Variants in GPC6 observed in about 807,000 individuals in gnomAD.
The protein encoded by GPC6 is glypican-6.
Under a neutral mutation model 55.2 loss-of-function variants are expected in GPC6, and 14 were observed. The observed-to-expected ratio is 0.25, with a 90% CI of 0.17 to 0.40. GPC6 has a LOEUF of 0.40. GPC6 is among the 10% of genes least tolerant of loss of function. The pLI, the probability that GPC6 is intolerant of heterozygous loss-of-function variation, is 1.00. For synonymous variants in GPC6, 278 were observed against 259.6 expected (o/e 1.07, Z -0.68); for missense variants, 641 against 708.5 (o/e 0.90, Z 1.08).
At chr13:94,249,868 C>T (rs1266598925) in intron 4 of GPC6, among the ~76,000 whole-genome samples, 1 of 152,148 alleles carries the variant, frequency 6.6e-6, no homozygotes, top group African/African-American at 2.4e-5. Context: ...TTGCAATTTG[C>T]ACCTCAAGGA....
chr13:94,211,779 T>G (rs776611116), intron 4 of GPC6, among the ~76,000 whole-genome samples: 1 of 152,214 alleles, frequency 6.6e-6, no homozygotes, highest in African/African-American at 2.4e-5. Context: ...GGCCCTATTA[T>G]ATACCAACAG....
chr13:93,954,834 G>C (rs948240998), intron 3 of GPC6, among the ~76,000 whole-genome samples: 1 of 152,062 alleles, frequency 6.6e-6, no homozygotes, highest in Non-Finnish European at 1.5e-5. Context: ...CTTACCCCAG[G>C]TTTAGTAACT....
At chr13:93,553,134 A>C (rs1251240397) in intron 2 of GPC6, among the ~76,000 whole-genome samples, 1 of 151,830 alleles carries the variant, frequency 6.6e-6, no homozygotes, top group Admixed American at 6.6e-5. Context: ...AGTAGAAACC[A>C]CTCACTCTCT....
At chr13:93,639,776 C>T (rs9589804) in intron 2 of GPC6, among the ~76,000 whole-genome samples, 3,059 of 152,192 alleles carry the variant, frequency 0.02, 97 homozygotes, top group African/African-American at 0.068. Context: ...CCAGGGTTCT[C>T]TAAGCCGAGA....
chr13:94,192,626 G>A (rs1889435625), intron 4 of GPC6, among the ~76,000 whole-genome samples: 1 of 152,210 alleles, frequency 6.6e-6, no homozygotes, highest in African/African-American at 2.4e-5. Context: ...GACATATGTT[G>A]GGGTGTTGTG....
chr13:94,092,814 C>A (rs539167185), intron 4 of GPC6, among the ~76,000 whole-genome samples: 4 of 152,118 alleles, frequency 2.6e-5, no homozygotes, highest in African/African-American at 9.7e-5. Context: ...CTGATAATAG[C>A]CATTCTGGCA....
chr13:93,756,219 T>A (rs955713301), intron 2 of GPC6, among the ~76,000 whole-genome samples: 2 of 152,140 alleles, frequency 1.3e-5, no homozygotes, highest in African/African-American at 4.8e-5. Context: ...GCAAGGCAGT[T>A]ATTAATTGTT....
intron 1 of GPC6, among the ~76,000 whole-genome samples, chr13:93,272,669 C>T (rs1433253680): frequency 6.6e-5 from 10 of 152,134 alleles, no homozygotes; most frequent in Middle Eastern, 6.8e-3. Flanking sequence ...TTGTTCTACT[C>T]TTATTTGGAT....
intron 6 of GPC6, among the ~76,000 whole-genome samples, chr13:94,379,175 T>C (rs186162353): frequency 7.6e-4 from 116 of 152,322 alleles, no homozygotes; most frequent in African/African-American, 2.6e-3. Flanking sequence ...GATGTGCAAG[T>C]TGAAAGGCCT....
intron 6 of GPC6, 77 bp from the exon 7 acceptor site, chr13:94,382,337 G>A (rs1880194791): frequency 3.4e-6 from 5 of 1,483,004 alleles, no homozygotes; most frequent in Admixed American, 1.7e-5. Context: ...TATAACCCTC[G>A]CCTGCGTACG....
At chr13:93,646,477 C>G (rs1222918369) in intron 2 of GPC6, among the ~76,000 whole-genome samples, 1 of 151,976 alleles carries the variant, frequency 6.6e-6, no homozygotes, top group Non-Finnish European at 1.5e-5. Flanking sequence ...ATGTCATCAA[C>G]AGTTTGGGAT....
intron 6 of GPC6, among the ~76,000 whole-genome samples, chr13:94,331,325 G>A (rs1425889570): frequency 6.6e-6 from 1 of 152,154 alleles, no homozygotes; most frequent in African/African-American, 2.4e-5. Context: ...CCTATGGTCT[G>A]CAAAGCCTAA....
chr13:94,214,062 G>C (rs948334200), intron 4 of GPC6, among the ~76,000 whole-genome samples: 11 of 152,186 alleles, frequency 7.2e-5, no homozygotes, highest in Admixed American at 3.9e-4. Context: ...AATATTGTCA[G>C]TCTCTTAGGA....
intron 3 of GPC6, among the ~76,000 whole-genome samples, chr13:93,967,616 A>T (rs145005791): frequency 6.6e-6 from 1 of 152,320 alleles, no homozygotes; most frequent in African/African-American, 2.4e-5. Context: ...CCTGTAAAAC[A>T]TCTTTCTGCG....
chr13:94,391,193 C>A (rs1880629319), intron 7 of GPC6, among the ~76,000 whole-genome samples: 1 of 152,180 alleles, frequency 6.6e-6, no homozygotes, highest in Non-Finnish European at 1.5e-5. Flanking sequence ...ACAGCAAATT[C>A]TTTTTCTGAA....
intron 4 of GPC6, among the ~76,000 whole-genome samples, chr13:94,169,877 A>T (rs1307615219): frequency 6.6e-6 from 1 of 152,022 alleles, no homozygotes; most frequent in African/African-American, 2.4e-5. Context: ...CTATTTTCTC[A>T]GTTCCAGAGA....
At chr13:93,992,895 T>C (rs778040252) in intron 3 of GPC6, among the ~76,000 whole-genome samples, 1 of 152,196 alleles carries the variant, frequency 6.6e-6, no homozygotes, top group Non-Finnish European at 1.5e-5. Flanking sequence ...GGAACACAAG[T>C]AGTTTGTCTC....
At chr13:94,357,637 C>A (rs897618427) in intron 6 of GPC6, among the ~76,000 whole-genome samples, 4 of 152,202 alleles carry the variant, frequency 2.6e-5, no homozygotes, top group African/African-American at 7.2e-5. Context: ...GGTACCACCA[C>A]CATGTGTCTA....
chr13:94,327,953 C>A (rs1046681429), intron 6 of GPC6, among the ~76,000 whole-genome samples: 1 of 152,082 alleles, frequency 6.6e-6, no homozygotes, highest in Non-Finnish European at 1.5e-5. Flanking sequence ...TTCATCCAAG[C>A]ATGCTTCCTC....
Sources: gnomAD v4.1 joint callset for allele counts (sites outside exome capture counted in the v4.1 genomes callset) on GRCh38, gnomAD v4.1.1 for gene constraint, MANE v1.5 for transcripts, NCBI Gene and HGNC (gene_info 2026-07-23, HGNC 2026-07-21) for gene names.